The following SCN1A variants were observed in gnomAD, a reference collection of about 807,000 sequenced individuals.
The protein encoded by SCN1A is sodium channel protein type 1 subunit alpha.
SCN1A carries 13 observed loss-of-function variants against 193.7 expected under a neutral mutation model. The observed-to-expected ratio is 0.07, with a 90% CI of 0.04 to 0.11. SCN1A has a LOEUF of 0.11. Ranked by LOEUF, SCN1A falls within the 10% of genes least tolerant of loss-of-function variation. The probability of loss-of-function intolerance (pLI) is 1.00; values close to 1 mark genes in which losing one functional copy is unlikely to be tolerated. For synonymous variants in SCN1A, 781 were observed against 843.6 expected (o/e 0.93, Z 1.29); for missense variants, 1,432 against 2,451.1 (o/e 0.58, Z 8.78).
At chr2:166,024,080 A>T (rs941023457) in intron 19 of SCN1A, among the ~76,000 whole-genome samples, 23 of 151,858 alleles carry the variant, frequency 1.5e-4, no homozygotes, top group African/African-American at 4.6e-4. Context: ...CTGGCCAAAA[A>T]TTTTTTTAAA....
At chr2:166,049,398 A>G (rs1168223895) in intron 9 of SCN1A, among the ~76,000 whole-genome samples, 2 of 152,034 alleles carry the variant, frequency 1.3e-5, no homozygotes, top group Non-Finnish European at 2.9e-5. Flanking sequence ...AAAGAATAGT[A>G]TATTTTCTGG....
chr2:166,050,687 C>T (rs1698457849), intron 9 of SCN1A, among the ~76,000 whole-genome samples: 1 of 138,624 alleles, frequency 7.2e-6, no homozygotes, highest in African/African-American at 2.7e-5. Flanking sequence ...CTATGTTGCC[C>T]ACACTGGTCT....
chr2:166,131,124 G>A (rs951263824), upstream of SCN1A, among the ~76,000 whole-genome samples: 4 of 151,866 alleles, frequency 2.6e-5, no homozygotes, highest in East Asian at 1.9e-4. Context: ...TCACTGTTAC[G>A]TTTCCAACTT....
chr2:166,020,688 G>T (rs886077462), intron 19 of SCN1A, among the ~76,000 whole-genome samples: 1 of 152,030 alleles, frequency 6.6e-6, no homozygotes, highest in Non-Finnish European at 1.5e-5. Context: ...CCCCCACATA[G>T]ATACATGTAC....
chr2:166,048,956 G>T lies in SCN1A; in HGVS notation c.965-7C>A. ...TCCAGGAAATAATGATATCCTGTTT[G>T]AAAAAAGAAAGTCGTATGATGAACA... On this transcript the variant is annotated splice_region_variant and splice_polypyrimidine_tract_variant and intron_variant, in intron 9 of 28. Coordinates refer to ENST00000674923, the MANE Select transcript of SCN1A (RefSeq NM_001165963.4). 7 of 1,580,284 alleles carry T rather than the reference G, an allele frequency of 4.4e-6. No individual in the cohort carries two copies. The highest frequency in any genetic ancestry group is 6.1e-6 in the Non-Finnish European group (7 of 1,150,278).
upstream of SCN1A, among the ~76,000 whole-genome samples, chr2:166,132,363 G>A (rs1691695489): frequency 8.3e-6 from 1 of 120,218 alleles, no homozygotes. Context: ...TTTTGTAGAT[G>A]TCAATTTCCT....
chr2:166,082,432 T>C (rs529648169), intron 2 of SCN1A, among the ~76,000 whole-genome samples: 9 of 152,142 alleles, frequency 5.9e-5, no homozygotes, highest in South Asian at 4.1e-4. Flanking sequence ...TGTGTTAAAA[T>C]AGTATTTATC....
At chr2:166,119,675 G>C in intron 2 of SCN1A, among the ~76,000 whole-genome samples, 1 of 152,194 alleles carries the variant, frequency 6.6e-6, no homozygotes, top group East Asian at 1.9e-4. Context: ...ATATTAGACC[G>C]ATTCCCAAAG....
rs1694094939 is a variant in SCN1A at position 166,021,703 on chromosome 2, C to G, written c.3430-5976G>C. 2.0e-5 allele frequency among the ~76,000 whole-genome samples: 3 copies of G among 152,184 alleles called. No homozygotes were observed. In the South Asian group the frequency reaches 6.2e-4, roughly 32 times the overall value. Reference sequence around the variant, plus strand: ...ATGTACTTTAGAACTTAGAGAAAGTCTATCATCTGCAGATCATAAGTTGTA... The same window carrying G: ...ATGTACTTTAGAACTTAGAGAAAGTGTATCATCTGCAGATCATAAGTTGTA... On this transcript the variant is annotated intron_variant, in intron 19 of 28. Coordinates refer to ENST00000674923, the MANE Select transcript of SCN1A (RefSeq NM_001165963.4).
chr2:166,009,982 A>C (rs190366016), intron 22 of SCN1A, 141 bp from the exon 23 acceptor site: 1 of 735,060 alleles, frequency 1.4e-6, no homozygotes, highest in Non-Finnish European at 2.2e-6. Context: ...CCTTTAAAAA[A>C]TTAAAGAAAT....
At chr2:166,087,661 A>T (rs1019144183) in intron 2 of SCN1A, among the ~76,000 whole-genome samples, 33 of 148,738 alleles carry the variant, frequency 2.2e-4, no homozygotes, top group South Asian at 1.3e-3. Context: ...ACCTCTTTTT[A>T]AAAAAAAAAA....
At chr2:166,032,644 G>A (rs963613008) in intron 19 of SCN1A, among the ~76,000 whole-genome samples, 4 of 152,032 alleles carry the variant, frequency 2.6e-5, no homozygotes, top group African/African-American at 7.2e-5. Flanking sequence ...TAAAAAGAAA[G>A]CCAGATTCAA....
chr2:166,134,386 C>T (rs954792298), intron 1 of SCN1A, among the ~76,000 whole-genome samples: 2 of 152,124 alleles, frequency 1.3e-5, no homozygotes, highest in African/African-American at 4.8e-5. Flanking sequence ...TGAAGTATTT[C>T]TAGATATGCC....
At chr2:166,026,679 C>CTTTTTTTTTTTTTTTT (rs35750460) in intron 19 of SCN1A, among the ~76,000 whole-genome samples, 8 of 97,712 alleles carry the variant, frequency 8.2e-5, no homozygotes, top group Admixed American at 2.5e-4. Context: ...TTCTTTCTTT[C>CTTTTTTTTTTTTTTTT]TTTTTTTTTT....
At position 166,098,143 on chromosome 2, in the gene SCN1A, A is replaced by T. The variant is rs1574482655; in HGVS notation, c.-141-20342T>A. Among the ~76,000 whole-genome samples, 3 of 152,336 alleles carry T rather than the reference A, an allele frequency of 2.0e-5. No homozygotes were observed. The South Asian group carries it at 6.2e-4, about 32-fold the overall frequency. On this transcript the variant is annotated intron_variant, in intron 2 of 28. Coordinates refer to ENST00000674923, the MANE Select transcript of SCN1A (RefSeq NM_001165963.4). ...AACAAAATACTAGCAAATTGAACCC[A>T]GCAGCACATCCAAAAAGCTAATCCA...
chr2:166,081,359 C>T (rs369893636), intron 2 of SCN1A, among the ~76,000 whole-genome samples: 4 of 151,806 alleles, frequency 2.6e-5, no homozygotes, highest in South Asian at 2.1e-4. Context: ...GCTTTGTACC[C>T]GAAGAAACTG....
intron 2 of SCN1A, among the ~76,000 whole-genome samples, chr2:166,090,335 A>G (rs1197480691): frequency 2.0e-5 from 3 of 152,168 alleles, no homozygotes; most frequent in African/African-American, 7.2e-5. Context: ...CCAGCAAGAA[A>G]GAGAAAAGAA....
At chr2:166,075,381 G>A (rs1045408489) in intron 3 of SCN1A, 2 of 151,842 alleles carry the variant, frequency 1.3e-5, no homozygotes, top group African/African-American at 4.8e-5. Flanking sequence ...ATGAGTGTAT[G>A]TATACATATT....
upstream of SCN1A, among the ~76,000 whole-genome samples, chr2:166,131,128 C>T (rs1036069948): frequency 1.3e-5 from 2 of 152,034 alleles, no homozygotes; most frequent in Admixed American, 6.6e-5. Context: ...TGTTACGTTT[C>T]CAACTTCAAA....
Sources: allele counts gnomAD v4.1 joint callset (sites outside exome capture counted in the v4.1 genomes callset), GRCh38; gene constraint gnomAD v4.1.1; transcripts MANE v1.5; gene names NCBI Gene and HGNC (gene_info 2026-07-23, HGNC 2026-07-21).